Variants in PVT1 observed in about 807,000 individuals in gnomAD.
The protein encoded by PVT1 is Pvt1 oncogene, also known as CXCR4/PVT1 fusion.
chr8:128,076,212 C>T (rs776087151), intron 5 of PVT1, among the ~76,000 whole-genome samples: 2 of 152,188 alleles, frequency 1.3e-5, no homozygotes, highest in Non-Finnish European at 2.9e-5. Context: ...CGTTACTTCT[C>T]TTATCTGCAC....
At chr8:127,882,684 A>G (rs1247193566) in intron 2 of PVT1, among the ~76,000 whole-genome samples, 4 of 152,006 alleles carry the variant, frequency 2.6e-5, no homozygotes, top group African/African-American at 7.2e-5. Context: ...GGGTTTCGCC[A>G]TGTTGGCCAG....
intron 4 of PVT1, among the ~76,000 whole-genome samples, chr8:128,060,880 T>G (rs1813821776): frequency 6.6e-6 from 1 of 151,930 alleles, no homozygotes; most frequent in African/African-American, 2.4e-5. Flanking sequence ...CCAATCTCCC[T>G]TCTATCCCCA....
At chr8:128,095,921 C>T (rs1324958337) in intron 5 of PVT1, among the ~76,000 whole-genome samples, 2 of 152,208 alleles carry the variant, frequency 1.3e-5, no homozygotes, top group Non-Finnish European at 2.9e-5. Context: ...CTTCTCTGTG[C>T]CCTCCAGATC....
chr8:127,969,545 GCC>G (rs1816740784), intron 3 of PVT1, among the ~76,000 whole-genome samples: 1 of 152,170 alleles, frequency 6.6e-6, no homozygotes, highest in African/African-American at 2.4e-5. Context: ...TTGGTATGCA[GCC>G]ATTCAAACAT....
chr8:128,034,780 C>G (rs182738881), intron 4 of PVT1, among the ~76,000 whole-genome samples: 1 of 152,124 alleles, frequency 6.6e-6, no homozygotes, highest in African/African-American at 2.4e-5. Context: ...AAATGTGTGC[C>G]GAAGCTGAAA....
intron 2 of PVT1, among the ~76,000 whole-genome samples, chr8:127,854,066 C>G (rs968649769): frequency 5.4e-4 from 83 of 152,346 alleles, no homozygotes; most frequent in African/African-American, 2.0e-3. Context: ...CCATTTCCTG[C>G]CCCAAGGCCG....
chr8:127,834,244 T>A (rs1160652826), intron 2 of PVT1, among the ~76,000 whole-genome samples: 1 of 152,070 alleles, frequency 6.6e-6, no homozygotes, highest in Non-Finnish European at 1.5e-5. Context: ...TGGAACAGAA[T>A]GGAGGCCTCA....
chr8:127,911,282 GC>G (rs1815894555), intron 3 of PVT1, among the ~76,000 whole-genome samples: 1 of 152,196 alleles, frequency 6.6e-6, no homozygotes, highest in Non-Finnish European at 1.5e-5. Flanking sequence ...GTTTTCCTGG[GC>G]CTGTGTCAGT....
intron 3 of PVT1, among the ~76,000 whole-genome samples, chr8:127,965,603 C>T (rs1305175418): frequency 6.6e-6 from 1 of 152,218 alleles, no homozygotes; most frequent in African/African-American, 2.4e-5. Flanking sequence ...GGGACCCTTC[C>T]TTGTTCTCTC....
intron 2 of PVT1, among the ~76,000 whole-genome samples, chr8:127,879,329 G>A (rs1815438934): frequency 6.6e-6 from 1 of 152,186 alleles, no homozygotes; most frequent in Admixed American, 6.5e-5. Flanking sequence ...AGGAGTTGGA[G>A]GCCAGCTTTG....
chr8:127,832,928 T>A (rs1438989649), intron 2 of PVT1, among the ~76,000 whole-genome samples: 1 of 152,128 alleles, frequency 6.6e-6, no homozygotes, highest in East Asian at 1.9e-4. Flanking sequence ...TAAAAGGTTA[T>A]CCAACTCTGA....
intron 2 of PVT1, among the ~76,000 whole-genome samples, chr8:127,836,973 G>A (rs974373475): frequency 6.6e-6 from 1 of 152,110 alleles, no homozygotes; most frequent in Non-Finnish European, 1.5e-5. Context: ...GGACATGAGT[G>A]GTTCTGGTTA....
At chr8:127,849,139 T>C (rs1815072957) in intron 2 of PVT1, among the ~76,000 whole-genome samples, 1 of 152,028 alleles carries the variant, frequency 6.6e-6, no homozygotes, top group Non-Finnish European at 1.5e-5. Flanking sequence ...ATTTAGTGAG[T>C]TTGCCAAAGA....
At chr8:128,044,907 T>C (rs1456250484) in intron 4 of PVT1, among the ~76,000 whole-genome samples, 1 of 152,254 alleles carries the variant, frequency 6.6e-6, no homozygotes, top group East Asian at 1.9e-4. Flanking sequence ...TACAATCTTG[T>C]ACATCCATAC....
chr8:127,919,358 T>A (rs1816028677), intron 3 of PVT1, among the ~76,000 whole-genome samples: 1 of 152,196 alleles, frequency 6.6e-6, no homozygotes, highest in Non-Finnish European at 1.5e-5. Flanking sequence ...GTGGAAAGGA[T>A]TCAGGTAACA....
At chr8:127,950,814 G>T (rs1228351367) in intron 3 of PVT1, among the ~76,000 whole-genome samples, 1 of 152,194 alleles carries the variant, frequency 6.6e-6, no homozygotes. Context: ...AGCTCAGTCT[G>T]CTCAGCACTT....
At chr8:127,928,904 A>G (rs1203314504) in intron 3 of PVT1, among the ~76,000 whole-genome samples, 1 of 152,222 alleles carries the variant, frequency 6.6e-6, no homozygotes, top group Non-Finnish European at 1.5e-5. Flanking sequence ...CTTTCAAGTG[A>G]TGCGACTTCC....
intron 2 of PVT1, among the ~76,000 whole-genome samples, chr8:127,817,892 A>C (rs1471834561): frequency 6.6e-6 from 1 of 152,100 alleles, no homozygotes; most frequent in Non-Finnish European, 1.5e-5. Context: ...AAGATCCGGC[A>C]TGTGTAGAGA....
chr8:127,929,355 A>G (rs891275357), intron 3 of PVT1, among the ~76,000 whole-genome samples: 3 of 152,120 alleles, frequency 2.0e-5, no homozygotes, highest in Non-Finnish European at 2.9e-5. Flanking sequence ...GCCTCGCCCA[A>G]TTAAAAATGA....
Sources: allele counts gnomAD v4.1 joint callset (sites outside exome capture counted in the v4.1 genomes callset), GRCh38; gene constraint gnomAD v4.1.1; transcripts MANE v1.5; gene names NCBI Gene and HGNC (gene_info 2026-07-23, HGNC 2026-07-21).